The following NXPE4 variants were observed in gnomAD, a reference collection of about 807,000 sequenced individuals.
NXPE4 encodes the protein neurexophilin and PC-esterase domain family member 4, also known as NXPE family member 4.
Under a neutral mutation model 33.3 loss-of-function variants are expected in NXPE4, and 42 were observed. The ratio of observed to expected loss-of-function variants is 1.26; its 90% CI spans 0.98 to 1.63. The LOEUF is 1.63. NXPE4 is among the 40% of genes most tolerant of loss of function. NXPE4 has a pLI of 0.00. For synonymous variants in NXPE4, 253 were observed against 234.9 expected (o/e 1.08, Z -0.71); for missense variants, 709 against 647.6 (o/e 1.09, Z -1.03).
the NXPE4 span, among the ~76,000 whole-genome samples, chr11:114,605,609 C>T: frequency 5.0e-4 from 75 of 150,086 alleles, no homozygotes; most frequent in South Asian, 2.5e-3. Context: ...CACTGTTACC[C>T]GGTGGATAAT....
chr11:114,626,448 G>C, the NXPE4 span, among the ~76,000 whole-genome samples: 3 of 151,866 alleles, frequency 2.0e-5, no homozygotes, highest in Non-Finnish European at 4.4e-5. Context: ...TACTCCAACA[G>C]ACCTGCAGCT....
At chr11:114,607,290 A>T in the NXPE4 span, among the ~76,000 whole-genome samples, 3 of 151,970 alleles carry the variant, frequency 2.0e-5, no homozygotes, top group South Asian at 6.2e-4. Flanking sequence ...TGCCTGGTGG[A>T]TAGTTAGTAT....
chr11:114,632,976 T>A, the NXPE4 span, among the ~76,000 whole-genome samples: 9 of 103,598 alleles, frequency 8.7e-5, no homozygotes, highest in South Asian at 2.4e-3. Context: ...ATATTATATA[T>A]TATATATTTT....
the NXPE4 span, among the ~76,000 whole-genome samples, chr11:114,612,208 A>G: frequency 6.6e-6 from 1 of 151,916 alleles, no homozygotes; most frequent in Admixed American, 6.6e-5. Context: ...CACGGTGGAG[A>G]ATAAGTGTTG....
At chr11:114,576,992 C>G (rs11215067) in intron 5 of NXPE4, among the ~76,000 whole-genome samples, 1 of 88,984 alleles carries the variant, frequency 1.1e-5, no homozygotes, top group Admixed American at 1.4e-4. Flanking sequence ...TATATATATA[C>G]ATATATATAT....
the NXPE4 span, among the ~76,000 whole-genome samples, chr11:114,611,939 A>T: frequency 6.6e-6 from 1 of 151,972 alleles, no homozygotes; most frequent in African/African-American, 2.4e-5. Flanking sequence ...GTGGGTAACC[A>T]CTGTTACCTG....
rs192956484 is a variant in NXPE4, at chr11:114,582,667, C to A, written c.451G>T (p.Ala151Ser). 2,648 of 1,614,186 alleles carry A rather than the reference C, an allele frequency of 1.6e-3. 3 individuals carry two copies. Among genetic ancestry groups the A allele is most frequent in the Non-Finnish European group, 2.1e-3 (2,470 of 1,180,018 alleles). ...RMSSPALMAG[A>S]SGKVTDFNNG... is the part of the protein sequence containing the mutation. ...TTGAAGTCAGTCACCTTTCCTGAAGCACCTGCCATCAGCGCTGGGGAAGAC... is the reference window on the plus strand; with the variant it reads ...TTGAAGTCAGTCACCTTTCCTGAAGAACCTGCCATCAGCGCTGGGGAAGAC... The change falls in exon 3 of 6, where the codon GCT becomes TCT. Residue 151 changes from alanine (A) to serine (S), a missense_variant. Ala to Ser is a moderately conservative substitution (Grantham distance 99). Coordinates refer to ENST00000375478, the MANE Select transcript of NXPE4 (RefSeq NM_001077639.2).
chr11:114,641,094 T>C, the NXPE4 span, among the ~76,000 whole-genome samples: 5 of 152,110 alleles, frequency 3.3e-5, no homozygotes, highest in African/African-American at 1.2e-4. Context: ...AAAAGTATAA[T>C]AACTGAAGTA....
chr11:114,604,798 G>A, the NXPE4 span, among the ~76,000 whole-genome samples: 45 of 151,944 alleles, frequency 3.0e-4, 1 homozygote, highest in East Asian at 4.5e-3. Flanking sequence ...GTGTTGCCTC[G>A]CGGGTAACCA....
chr11:114,622,174 G>A, the NXPE4 span, among the ~76,000 whole-genome samples: 14 of 150,798 alleles, frequency 9.3e-5, no homozygotes, highest in African/African-American at 3.4e-4. Flanking sequence ...TGGATAATAA[G>A]TATTGCCTCG....
Position 114,582,757 on chromosome 11 carries a change from G to T in NXPE4, c.361C>A (p.Leu121Met), listed in dbSNP as rs1949183425. 2 of 1,614,058 alleles carry T rather than the reference G, an allele frequency of 1.2e-6. No homozygotes were observed. Among genetic ancestry groups the T allele is most frequent in the African/African-American group, 1.3e-5 (1 of 74,918 alleles). The stretch of plus-strand genomic sequence containing the variant: ...CGTCCCAAGTGGTCCCTCACCTCCA[G>T]CAGGATGTGCAGCTGGTCTCCCCTG... ...YCRGDQLHILLEVRDHLGRRK... is the reference protein window; with the variant it reads ...YCRGDQLHILMEVRDHLGRRK... Residue 121 changes from leucine to methionine, a missense_variant, in exon 3 of 6, where the codon CTG becomes ATG. Leu to Met is a conservative substitution (Grantham distance 15, BLOSUM62 2). Coordinates refer to ENST00000375478, the MANE Select transcript of NXPE4 (RefSeq NM_001077639.2).
At chr11:114,649,449 A>G in the NXPE4 span, among the ~76,000 whole-genome samples, 12 of 152,224 alleles carry the variant, frequency 7.9e-5, no homozygotes, top group Non-Finnish European at 1.2e-4. Context: ...GAAGGACCTC[A>G]CAACTATTAT....
At chr11:114,641,969 A>G in the NXPE4 span, among the ~76,000 whole-genome samples, 776 of 152,224 alleles carry the variant, frequency 5.1e-3, 4 homozygotes, top group African/African-American at 0.016. Flanking sequence ...TTTGTGGTAT[A>G]TAACAACACA....
the NXPE4 span, among the ~76,000 whole-genome samples, chr11:114,639,294 G>A: frequency 2.6e-5 from 4 of 152,088 alleles, no homozygotes; most frequent in Admixed American, 6.6e-5. Context: ...TAATCTCCTG[G>A]TGCACCGTTC....
At chr11:114,572,927 C>G (rs1948922225) in intron 5 of NXPE4, among the ~76,000 whole-genome samples, 1 of 152,016 alleles carries the variant, frequency 6.6e-6, no homozygotes, top group Non-Finnish European at 1.5e-5. Context: ...TATCTAAAGT[C>G]AAGATGAAGG....
At chr11:114,665,289 C>T in the NXPE4 span, among the ~76,000 whole-genome samples, 1 of 152,140 alleles carries the variant, frequency 6.6e-6, no homozygotes, top group Non-Finnish European at 1.5e-5. Flanking sequence ...ATGCTAATTT[C>T]TCCCCCACAA....
chr11:114,601,842 A>C, the NXPE4 span, among the ~76,000 whole-genome samples: 1 of 50,810 alleles, frequency 2.0e-5, no homozygotes, highest in Non-Finnish European at 3.2e-5. Context: ...TTATATATAT[A>C]ATATAAAATA....
the NXPE4 span, among the ~76,000 whole-genome samples, chr11:114,633,219 T>C: frequency 1.5e-5 from 2 of 133,458 alleles, no homozygotes; most frequent in Non-Finnish European, 3.1e-5. Context: ...TATTACATTA[T>C]ATATATAAAT....
the NXPE4 span, among the ~76,000 whole-genome samples, chr11:114,668,486 T>C: frequency 6.6e-6 from 1 of 152,012 alleles, no homozygotes; most frequent in Non-Finnish European, 1.5e-5. Flanking sequence ...AAGCACTATT[T>C]ATAACAGTGA....
Sources: gnomAD v4.1 joint callset for allele counts (sites outside exome capture counted in the v4.1 genomes callset) on GRCh38, gnomAD v4.1.1 for gene constraint, MANE v1.5 for transcripts, NCBI Gene and HGNC (gene_info 2026-07-23, HGNC 2026-07-21) for gene names.